Variants in QTMAN observed in about 807,000 individuals in gnomAD.
QTMAN encodes queuosine-tRNA mannosyltransferase.
the QTMAN span, chr2:144,332,579 G>A: frequency 1.3e-5 from 2 of 149,256 alleles, no homozygotes; most frequent in Non-Finnish European, 3.0e-5. Flanking sequence ...CGGCCTCCGG[G>A]CGCGTCAGGC....
chr2:144,250,751 GAAAAAAAAA>G, the QTMAN span, among the ~76,000 whole-genome samples: 2 of 67,092 alleles, frequency 3.0e-5, no homozygotes, highest in East Asian at 9.6e-4. Context: ...CTTTAAGGCC[GAAAAAAAAA>G]AAAAAAAAAA....
chr2:144,251,054 A>T, the QTMAN span, among the ~76,000 whole-genome samples: 12 of 152,122 alleles, frequency 7.9e-5, no homozygotes, highest in Non-Finnish European at 1.6e-4. Flanking sequence ...AGCCATTTTG[A>T]ACCCAAAATG....
the QTMAN span, among the ~76,000 whole-genome samples, chr2:144,197,635 T>C: frequency 6.6e-5 from 10 of 152,312 alleles, no homozygotes; most frequent in East Asian, 1.9e-3. Context: ...CAAAGTTAAA[T>C]TTCAGTTCCG....
the QTMAN span, among the ~76,000 whole-genome samples, chr2:144,131,782 C>G: frequency 2.6e-5 from 4 of 151,858 alleles, no homozygotes; most frequent in Admixed American, 2.6e-4. Flanking sequence ...TAGAGTAAGA[C>G]AGTTTGGGTA....
chr2:144,252,443 C>T, the QTMAN span, among the ~76,000 whole-genome samples: 7 of 152,038 alleles, frequency 4.6e-5, no homozygotes, highest in Non-Finnish European at 8.8e-5. Context: ...AAACACTTCA[C>T]CAAAGATGAT....
the QTMAN span, among the ~76,000 whole-genome samples, chr2:144,123,681 CT>C: frequency 1.3e-5 from 2 of 152,076 alleles, no homozygotes; most frequent in African/African-American, 4.8e-5. Flanking sequence ...GGAAAACCAA[CT>C]TCTCAGAAAA....
the QTMAN span, among the ~76,000 whole-genome samples, chr2:144,087,349 G>A: frequency 6.6e-6 from 1 of 152,056 alleles, no homozygotes; most frequent in African/African-American, 2.4e-5. Context: ...ATTAGGCCTA[G>A]ATAGTTTAAC....
the QTMAN span, among the ~76,000 whole-genome samples, chr2:144,065,946 T>G: frequency 2.0e-5 from 3 of 152,066 alleles, no homozygotes; most frequent in East Asian, 5.8e-4. Context: ...TAAAAGGCGG[T>G]GGCCATGAGA....
the QTMAN span, among the ~76,000 whole-genome samples, chr2:144,310,231 G>A: frequency 1.9e-4 from 29 of 152,200 alleles, no homozygotes; most frequent in East Asian, 3.9e-4. Flanking sequence ...AACAGCAAGC[G>A]CAAAAGCCCC....
the QTMAN span, among the ~76,000 whole-genome samples, chr2:144,222,068 T>G: frequency 1.4e-4 from 21 of 147,520 alleles, no homozygotes; most frequent in Non-Finnish European, 2.3e-4. Context: ...AAGTTTTTTG[T>G]TTTTTTTTTG....
At chr2:144,013,593 T>C in the QTMAN span, among the ~76,000 whole-genome samples, 1 of 152,134 alleles carries the variant, frequency 6.6e-6, no homozygotes, top group Admixed American at 6.5e-5. Flanking sequence ...ACAGAAGATA[T>C]GGTTCAAGGC....
the QTMAN span, among the ~76,000 whole-genome samples, chr2:143,974,552 T>C: frequency 6.6e-6 from 1 of 152,310 alleles, no homozygotes; most frequent in East Asian, 1.9e-4. Flanking sequence ...ATTCAAGAAA[T>C]ACTGTAAAGT....
At chr2:144,112,915 AC>A in the QTMAN span, among the ~76,000 whole-genome samples, 368 of 152,078 alleles carry the variant, frequency 2.4e-3, 5 homozygotes, top group African/African-American at 8.5e-3. Flanking sequence ...TCAGACGTCC[AC>A]CCCCATCTCA....
the QTMAN span, among the ~76,000 whole-genome samples, chr2:144,254,002 C>T: frequency 6.6e-6 from 1 of 152,238 alleles, no homozygotes; most frequent in Non-Finnish European, 1.5e-5. Context: ...CGGCCTGTGT[C>T]CCAGCTGCTC....
At chr2:144,158,490 A>C in the QTMAN span, among the ~76,000 whole-genome samples, 1 of 151,814 alleles carries the variant, frequency 6.6e-6, no homozygotes, top group African/African-American at 2.4e-5. Context: ...GTGTGTGAGA[A>C]AGAAAGGCAG....
At chr2:143,945,220 C>A in the QTMAN span, 1 of 152,108 alleles carries the variant, frequency 6.6e-6, no homozygotes, top group African/African-American at 2.4e-5. Context: ...TTTTGCTATC[C>A]AAAGGAACAC....
the QTMAN span, among the ~76,000 whole-genome samples, chr2:143,971,800 A>C: frequency 6.6e-6 from 1 of 152,144 alleles, no homozygotes; most frequent in Non-Finnish European, 1.5e-5. Context: ...TAAATCTGTA[A>C]ATTGATCAAA....
the QTMAN span, among the ~76,000 whole-genome samples, chr2:144,325,012 A>C: frequency 6.6e-6 from 1 of 152,188 alleles, no homozygotes; most frequent in South Asian, 2.1e-4. Context: ...CAATCCATAA[A>C]ATTTTCATTT....
chr2:144,322,771 C>T, the QTMAN span, among the ~76,000 whole-genome samples: 427 of 152,222 alleles, frequency 2.8e-3, 3 homozygotes, highest in African/African-American at 9.8e-3. Context: ...TCTTTGTATT[C>T]TGTTACTTGC....
Sources: allele counts gnomAD v4.1 joint callset (sites outside exome capture counted in the v4.1 genomes callset), GRCh38; gene constraint gnomAD v4.1.1; transcripts MANE v1.5; gene names NCBI Gene and HGNC (gene_info 2026-07-23, HGNC 2026-07-21).